Variants in FGF12 observed in about 807,000 individuals in gnomAD.
FGF12 encodes the protein fibroblast growth factor 12B.
Under a neutral mutation model 23.6 loss-of-function variants are expected in FGF12, and 14 were observed. The observed-to-expected ratio is 0.59, with a 90% CI of 0.39 to 0.93. The LOEUF (loss-of-function observed/expected upper bound fraction) is 0.93, where lower values mean the gene tolerates loss of function less well. Ranked by LOEUF, FGF12 falls within the 40% of genes least tolerant of loss-of-function variation. The probability of loss-of-function intolerance (pLI) is 0.00; values close to 1 mark genes in which losing one functional copy is unlikely to be tolerated. For missense variants in FGF12, 175 were observed against 217.8 expected, an observed-to-expected ratio of 0.80 and a Z score of 1.24; for synonymous variants, 62 against 77.3, an observed-to-expected ratio of 0.80 and a Z score of 1.04.
intron 5 of FGF12, among the ~76,000 whole-genome samples, chr3:192,154,892 G>T (rs986760055): frequency 7.3e-6 from 1 of 137,692 alleles, no homozygotes; most frequent in Non-Finnish European, 1.6e-5. Flanking sequence ...CCTGGGCAAT[G>T]GCGGGCGCCC....
intron 4 of FGF12, among the ~76,000 whole-genome samples, chr3:192,255,262 G>C (rs545334170): frequency 6.6e-6 from 1 of 151,976 alleles, no homozygotes; most frequent in Non-Finnish European, 1.5e-5. Flanking sequence ...ATTAATGTTA[G>C]AGAAAAGTTT....
At chr3:192,624,680 C>T (rs910009793) in intron 2 of FGF12, among the ~76,000 whole-genome samples, 1 of 152,074 alleles carries the variant, frequency 6.6e-6, no homozygotes, top group Non-Finnish European at 1.5e-5. Context: ...AAATTAGCTT[C>T]GTAGCAAGGA....
chr3:192,626,838 C>T (rs1715187824), intron 2 of FGF12, among the ~76,000 whole-genome samples: 1 of 152,068 alleles, frequency 6.6e-6, no homozygotes, highest in South Asian at 2.1e-4. Flanking sequence ...GAACTCCTGG[C>T]CTCAAGCAAT....
intron 2 of FGF12, among the ~76,000 whole-genome samples, chr3:192,413,493 C>T (rs772406781): frequency 7.2e-5 from 11 of 152,196 alleles, no homozygotes; most frequent in East Asian, 3.9e-4. Flanking sequence ...GTGATAATAA[C>T]GTAAAGTATG....
chr3:192,703,695 A>G (rs1378436245), intron 2 of FGF12, among the ~76,000 whole-genome samples: 4 of 152,292 alleles, frequency 2.6e-5, no homozygotes, highest in South Asian at 4.1e-4. Context: ...AGTAATTTTA[A>G]TCCCCATAAT....
intron 2 of FGF12, among the ~76,000 whole-genome samples, chr3:192,454,114 C>T (rs1722608132): frequency 6.6e-6 from 1 of 152,014 alleles, no homozygotes; most frequent in Admixed American, 6.6e-5. Context: ...TCTTGGCTCA[C>T]TGCAGCCTCC....
intron 3 of FGF12, among the ~76,000 whole-genome samples, chr3:192,352,383 C>G (rs918735880): frequency 2.0e-5 from 3 of 152,212 alleles, no homozygotes; most frequent in Non-Finnish European, 4.4e-5. Flanking sequence ...TTGCTGGGCC[C>G]CAGCCTCACA....
chr3:192,210,161 A>G (rs564342785), intron 4 of FGF12, among the ~76,000 whole-genome samples: 2 of 152,352 alleles, frequency 1.3e-5, no homozygotes, highest in African/African-American at 4.8e-5. Flanking sequence ...TTGCCCCAGA[A>G]GGAAATGTCT....
At chr3:192,589,301 C>T (rs1713525412) in intron 2 of FGF12, among the ~76,000 whole-genome samples, 1 of 149,598 alleles carries the variant, frequency 6.7e-6, no homozygotes, top group Non-Finnish European at 1.5e-5. Flanking sequence ...CACCACTGCC[C>T]TCCAGCCTGG....
chr3:192,202,158 A>G (rs926646507), intron 4 of FGF12, among the ~76,000 whole-genome samples: 1 of 152,180 alleles, frequency 6.6e-6, no homozygotes, highest in Non-Finnish European at 1.5e-5. Flanking sequence ...CCCTGAAAAA[A>G]AAAGTAAGGT....
At chr3:192,498,734 A>T (rs1724034204) in intron 2 of FGF12, among the ~76,000 whole-genome samples, 2 of 152,208 alleles carry the variant, frequency 1.3e-5, no homozygotes, top group Non-Finnish European at 2.9e-5. Context: ...GTCAGTCTGG[A>T]TGTTGGAGTC....
chr3:192,545,279 T>C (rs1725467519), intron 2 of FGF12, among the ~76,000 whole-genome samples: 1 of 152,312 alleles, frequency 6.6e-6, no homozygotes, highest in African/African-American at 2.4e-5. Context: ...ATTGTACCAA[T>C]TTATCATTAC....
chr3:192,487,941 A>G (rs1723683262), intron 2 of FGF12, among the ~76,000 whole-genome samples: 1 of 152,116 alleles, frequency 6.6e-6, no homozygotes, highest in Non-Finnish European at 1.5e-5. Context: ...TTGAGTAGGA[A>G]TGAATGCCAG....
At chr3:192,479,355 G>A (rs1181485716) in intron 2 of FGF12, among the ~76,000 whole-genome samples, 2 of 152,122 alleles carry the variant, frequency 1.3e-5, no homozygotes, top group African/African-American at 4.8e-5. Flanking sequence ...CAAAGTCCCA[G>A]GCTCCATCTG....
chr3:192,177,745 C>A (rs905198840), intron 4 of FGF12, among the ~76,000 whole-genome samples: 1 of 152,164 alleles, frequency 6.6e-6, no homozygotes, highest in Non-Finnish European at 1.5e-5. Flanking sequence ...ATTCCTTGTT[C>A]TTGAAAATGT....
chr3:192,645,190 C>T (rs1374634462), intron 2 of FGF12, among the ~76,000 whole-genome samples: 1 of 152,072 alleles, frequency 6.6e-6, no homozygotes, highest in African/African-American at 2.4e-5. Flanking sequence ...CGTAACAAAG[C>T]AGTTGACATG....
At chr3:192,451,407 A>G (rs1432664195) in intron 2 of FGF12, among the ~76,000 whole-genome samples, 1 of 152,218 alleles carries the variant, frequency 6.6e-6, no homozygotes, top group African/African-American at 2.4e-5. Flanking sequence ...ATTGTTCTTG[A>G]CAACAGGAAA....
intron 4 of FGF12, among the ~76,000 whole-genome samples, chr3:192,239,790 G>T (rs938987071): frequency 2.0e-5 from 3 of 152,188 alleles, no homozygotes; most frequent in East Asian, 1.9e-4. Context: ...GAAAAATTGC[G>T]TTCCAAGAAA....
At chr3:192,579,787 G>C (rs35260907) in intron 2 of FGF12, among the ~76,000 whole-genome samples, 22,452 of 152,144 alleles carry the variant, frequency 0.15, 1,677 homozygotes, top group Middle Eastern at 0.18. Flanking sequence ...CCAGGCTGGT[G>C]TTGAACTCCT....
Sources: gnomAD v4.1 joint callset for allele counts (sites outside exome capture counted in the v4.1 genomes callset) on GRCh38, gnomAD v4.1.1 for gene constraint, MANE v1.5 for transcripts, NCBI Gene and HGNC (gene_info 2026-07-23, HGNC 2026-07-21) for gene names.